Variants in PPP2R2D observed in about 807,000 individuals in gnomAD.
PPP2R2D encodes the protein protein phosphatase 2 regulatory subunit Bdelta, also known as serine/threonine-protein phosphatase 2A 55 kDa regulatory subunit B delta isoform.
In PPP2R2D, 9 loss-of-function variants were observed where a neutral mutation model predicts 31.1. That is an observed-to-expected ratio of 0.29 (90% CI 0.17 to 0.51). The LOEUF (loss-of-function observed/expected upper bound fraction) is 0.51, where lower values mean the gene tolerates loss of function less well. Among genes scored for constraint, PPP2R2D ranks in the 20% least tolerant of loss-of-function variants. The probability of loss-of-function intolerance (pLI) is 0.98; values close to 1 mark genes in which losing one functional copy is unlikely to be tolerated. For missense variants in PPP2R2D, 391 were observed against 465.6 expected (o/e 0.84, Z 1.48); for synonymous variants, 179 against 172.6 (o/e 1.04, Z -0.29).
chr10:131,917,259 C>T (rs1554893313), intron 2 of PPP2R2D, among the ~76,000 whole-genome samples: 1 of 128,412 alleles, frequency 7.8e-6, no homozygotes, highest in Non-Finnish European at 1.6e-5. Flanking sequence ...TTTGTAGGGA[C>T]CTCAGGCGGG....
chr10:131,916,391 T>C lies in PPP2R2D; in HGVS notation c.100+15061T>C, dbSNP rs74644931. The stretch of plus-strand genomic sequence containing the variant: ...TAATTGTGGTAAAATATACATGGCA[T>C]AATATTTATCATTTTAGCCGTTCAT... On this transcript the variant is annotated intron_variant, in intron 2 of 8. Transcript: ENST00000455566. 5.9e-4 allele frequency among the ~76,000 whole-genome samples: 89 copies of C among 151,846 alleles called. 1 individual carries two copies. In the East Asian group the frequency reaches 0.015, roughly 26 times the overall value.
chr10:131,936,130 T>C (rs2036334991), intron 3 of PPP2R2D, among the ~76,000 whole-genome samples: 1 of 152,042 alleles, frequency 6.6e-6, no homozygotes, highest in East Asian at 1.9e-4. Flanking sequence ...GGTGTTTAAA[T>C]GTTACTTTTA....
the PPP2R2D span, chr10:131,971,275 T>G: frequency 2.6e-6 from 1 of 387,508 alleles, no homozygotes; most frequent in East Asian, 5.7e-5. Flanking sequence ...CGGCAAACAC[T>G]GTCCTAGGGA....
intron 2 of PPP2R2D, among the ~76,000 whole-genome samples, chr10:131,904,458 C>T (rs1318368665): frequency 6.6e-6 from 1 of 151,576 alleles, no homozygotes; most frequent in Admixed American, 6.6e-5. Context: ...TGCAGTGAGC[C>T]GAGATCGTGC....
chr10:131,924,169 A>T (rs577516329), intron 2 of PPP2R2D, among the ~76,000 whole-genome samples: 3 of 152,220 alleles, frequency 2.0e-5, no homozygotes, highest in East Asian at 1.9e-4. Context: ...TTTAATTTTG[A>T]TGGTGTCCAC....
rs1196943842 is a variant in PPP2R2D, at chr10:131,907,198, A to AT, written c.100+5878dup. 5.7e-3 allele frequency among the ~76,000 whole-genome samples: 850 copies of AT among 149,472 alleles called. 11 individuals carry two copies. Among genetic ancestry groups the AT allele is most frequent in the East Asian group, 0.011 (58 of 5,108 alleles). On this transcript the variant is annotated intron_variant, in intron 2 of 8. Coordinates refer to ENST00000455566, the MANE Select transcript of PPP2R2D (RefSeq NM_018461.5). ...GGGCATTTGGTATTTATTCATTTAT[A>AT]TTTTTTTTTTGGTCTTAATGGGACA...
chr10:131,954,764 A>G (rs1725163650), intron 8 of PPP2R2D, among the ~76,000 whole-genome samples: 1 of 152,026 alleles, frequency 6.6e-6, no homozygotes, highest in Non-Finnish European at 1.5e-5. Flanking sequence ...CACCTTGAAG[A>G]CGCGCCAGCG....
chr10:131,932,845 A>C (rs2036267565), intron 2 of PPP2R2D, among the ~76,000 whole-genome samples: 1 of 152,050 alleles, frequency 6.6e-6, no homozygotes, highest in Non-Finnish European at 1.5e-5. Context: ...CAGTGTTTCT[A>C]ATTTTAGGTT....
At chr10:131,921,405 G>T (rs1488557097) in intron 2 of PPP2R2D, among the ~76,000 whole-genome samples, 1 of 152,176 alleles carries the variant, frequency 6.6e-6, no homozygotes, top group Non-Finnish European at 1.5e-5. Flanking sequence ...GTTGCCATTT[G>T]ATGAGGGCTC....
At chr10:131,916,678 A>T in intron 2 of PPP2R2D, among the ~76,000 whole-genome samples, 1 of 146,400 alleles carries the variant, frequency 6.8e-6, no homozygotes, top group African/African-American at 2.6e-5. Flanking sequence ...GTTTGTAGGG[A>T]CCTCAGGCAG....
At position 131,957,358 on chromosome 10, in the gene PPP2R2D, G is replaced by GCTCC. The variant is rs2036819374; in HGVS notation, c.*1396_*1397insTCCC. ...AAGGAGGTGTGTGCTGATCCCCTGT[G>GCTCC]CCCTGTGGAGATGGAGGTGTGTGCT... On this transcript the variant is annotated 3_prime_UTR_variant, in exon 9 of 9. Coordinates refer to ENST00000455566, the MANE Select transcript of PPP2R2D (RefSeq NM_018461.5). 5.6e-6 allele frequency: 1 copy of GCTCC among 179,556 alleles called. No homozygotes were observed. The highest frequency in any genetic ancestry group is 2.7e-5 in the African/African-American group (1 of 36,658). 11.1% of individuals were successfully genotyped at this position (179,556 alleles called of 1,614,324 possible). A position where few individuals can be genotyped will look rare whatever the true frequency, so the allele number is the denominator to read the frequency against.
In PPP2R2D at chr10:131,929,998, C is replaced by A. The variant is rs571833685; in HGVS notation, c.101-4460C>A. ...ACCTCCTGTATGGCAACCGATGATTCCGCCTTTTACTGATACCACCTTCAG... is the reference window on the plus strand; with the variant it reads ...ACCTCCTGTATGGCAACCGATGATTACGCCTTTTACTGATACCACCTTCAG... On this transcript the variant is annotated intron_variant, in intron 2 of 8. Coordinates refer to ENST00000455566, the MANE Select transcript of PPP2R2D (RefSeq NM_018461.5). 1.5e-3 allele frequency among the ~76,000 whole-genome samples: 224 copies of A among 152,274 alleles called. 1 individual carries two copies. The highest frequency in any genetic ancestry group is 2.6e-3 in the Non-Finnish European group (175 of 68,004).
At position 131,955,970 on chromosome 10, in the gene PPP2R2D, G is replaced by C. The variant is rs782739982; in HGVS notation, c.*7G>C. The stretch of plus-strand genomic sequence containing the variant: ...CCAGGACAAAATCAACTAGAGACGC[G>C]AACGTGAGGACCAAGTCTTGTCTTG... On this transcript the variant is annotated 3_prime_UTR_variant, in exon 9 of 9. Transcript: ENST00000455566. 1 of 1,488,778 alleles carries C rather than the reference G, an allele frequency of 6.7e-7. No homozygotes were observed. Among genetic ancestry groups the C allele is most frequent in the Admixed American group, 2.0e-5 (1 of 50,534 alleles). 92.2% of individuals were successfully genotyped at this position (1,488,778 alleles called of 1,614,324 possible).
intron 2 of PPP2R2D, among the ~76,000 whole-genome samples, chr10:131,918,708 GTGTT>G (rs782606213): frequency 1.5e-4 from 22 of 144,782 alleles, no homozygotes; most frequent in South Asian, 4.7e-4. Context: ...TGGAATGACA[GTGTT>G]TGTAGGGACC....
intron 2 of PPP2R2D, among the ~76,000 whole-genome samples, chr10:131,932,669 C>CAAAAAAAAA (rs1180369012): frequency 1.1e-5 from 1 of 90,644 alleles, no homozygotes; most frequent in Non-Finnish European, 2.2e-5. Context: ...AAAAAAAAAA[C>CAAAAAAAAA]ACACAAAAAA....
chr10:131,936,694 A>G (rs2036347071), intron 3 of PPP2R2D, among the ~76,000 whole-genome samples: 1 of 152,242 alleles, frequency 6.6e-6, no homozygotes, highest in Non-Finnish European at 1.5e-5. Context: ...TCTAAAAGAT[A>G]TTGGGTATTA....
chr10:131,934,053 C>T (rs868933020), intron 2 of PPP2R2D, among the ~76,000 whole-genome samples: 2 of 152,128 alleles, frequency 1.3e-5, no homozygotes, highest in Non-Finnish European at 2.9e-5. Context: ...ATATAAGAAT[C>T]AGATTTATTT....
chr10:131,970,263 TGA>T, the PPP2R2D span: 1 of 184,560 alleles, frequency 5.4e-6, no homozygotes, highest in Non-Finnish European at 1.1e-5. The surrounding 1 kb of genome is among the most constrained non-coding windows in gnomAD (Gnocchi z 4.1). Flanking sequence ...AGCAGGTAAC[TGA>T]GACCCTCCAC....
chr10:131,966,133 G>A, the PPP2R2D span, among the ~76,000 whole-genome samples: 2 of 152,144 alleles, frequency 1.3e-5, no homozygotes, highest in Non-Finnish European at 2.9e-5. Flanking sequence ...GTTTTTTGAG[G>A]TGTTGCCGAC....
Sources: gnomAD v4.1 joint callset for allele counts (sites outside exome capture counted in the v4.1 genomes callset) on GRCh38, gnomAD v4.1.1 for gene constraint, Gnocchi (gnomAD v3.1) non-coding constraint, MANE v1.5 for transcripts, NCBI Gene and HGNC (gene_info 2026-07-23, HGNC 2026-07-21) for gene names.